The following STK32B variants were observed in gnomAD, a reference collection of about 807,000 sequenced individuals.
STK32B encodes the protein serine/threonine kinase 32B.
In STK32B, 43 loss-of-function variants were observed where a neutral mutation model predicts 52.6. The ratio of observed to expected loss-of-function variants is 0.82; its 90% CI spans 0.64 to 1.05. The LOEUF is 1.05. STK32B is among the 50% of genes least tolerant of loss of function. The pLI, the probability that STK32B is intolerant of heterozygous loss-of-function variation, is 0.00. For missense variants in STK32B, 621 were observed against 534.6 expected, an observed-to-expected ratio of 1.16 and a Z score of -1.59; for synonymous variants, 238 against 204.3, an observed-to-expected ratio of 1.17 and a Z score of -1.41.
At chr4:5,169,363 A>G (rs1260032893) in intron 3 of STK32B, among the ~76,000 whole-genome samples, 1 of 152,164 alleles carries the variant, frequency 6.6e-6, no homozygotes, top group East Asian at 1.9e-4. Flanking sequence ...CCGCTTTAGG[A>G]AACAAATTCT....
At chr4:5,207,658 A>G (rs567582915) in intron 3 of STK32B, among the ~76,000 whole-genome samples, 14 of 151,864 alleles carry the variant, frequency 9.2e-5, no homozygotes, top group African/African-American at 3.1e-4. Context: ...TATTTTCTCA[A>G]AAATGCAGTC....
intron 1 of STK32B, among the ~76,000 whole-genome samples, chr4:5,108,022 C>T (rs1209630773): frequency 6.6e-6 from 1 of 152,154 alleles, no homozygotes; most frequent in African/African-American, 2.4e-5. Context: ...CATTACCAGG[C>T]CACAAGAAGT....
At chr4:5,445,989 A>T (rs770824271) in intron 6 of STK32B, among the ~76,000 whole-genome samples, 13 of 151,812 alleles carry the variant, frequency 8.6e-5, no homozygotes, top group East Asian at 3.9e-4. Context: ...AAGGTTCTCA[A>T]CCCCCTGGGG....
At chr4:5,211,415 A>G (rs1304468261) in intron 3 of STK32B, among the ~76,000 whole-genome samples, 1 of 152,126 alleles carries the variant, frequency 6.6e-6, no homozygotes, top group Non-Finnish European at 1.5e-5. Flanking sequence ...GGGGAGAAAT[A>G]GCAGTATCAG....
chr4:5,243,409 G>A (rs948525911), intron 3 of STK32B, among the ~76,000 whole-genome samples: 7 of 152,150 alleles, frequency 4.6e-5, no homozygotes, highest in African/African-American at 9.7e-5. Flanking sequence ...GAATGCTTGC[G>A]ATTTTTGCAC....
rs1046443941 is a variant in STK32B at position 5,398,519 on chromosome 4, G to C, written c.472+275G>C. Reference sequence around the variant, plus strand: ...GAGGACAGGGCCGCCGTGAGGATGAGCCCGGGGTTCCAACCCCAACTCCCT... The same window carrying C: ...GAGGACAGGGCCGCCGTGAGGATGACCCCGGGGTTCCAACCCCAACTCCCT... On this transcript the variant is annotated intron_variant, in intron 5 of 11. Coordinates refer to ENST00000282908, the MANE Select transcript of STK32B (RefSeq NM_018401.3). This position sits in a 1 kb window ranked among gnomAD's most constrained non-coding sequence, Gnocchi z 4.9. Among the ~76,000 whole-genome samples the C allele has an allele frequency of 3.3e-5, 5 of 152,172 alleles. No individual in the cohort carries two copies. The highest frequency in any genetic ancestry group is 7.4e-5 in the Non-Finnish European group (5 of 68,026).
the STK32B span, among the ~76,000 whole-genome samples, chr4:5,043,375 A>T: frequency 6.6e-6 from 1 of 152,196 alleles, no homozygotes; most frequent in Non-Finnish European, 1.5e-5. Context: ...GCATACATTT[A>T]CTTAGTTTTC....
In STK32B at chr4:5,395,367, C is replaced by G. The variant is rs547655346; in HGVS notation, c.435-2840C>G. Among the ~76,000 whole-genome samples, 4 of 152,362 alleles carry G rather than the reference C, an allele frequency of 2.6e-5. No homozygotes were observed. In the East Asian group the frequency reaches 7.7e-4, roughly 29 times the overall value. ...TTATTCTCTCATCCTCCTACTTCCT[C>G]ATCTGCAAAATGAGAACTTGCTCAC... On this transcript the variant is annotated intron_variant, in intron 4 of 11. Transcript: ENST00000282908. The surrounding 1 kb of genome is among the most constrained non-coding windows in gnomAD (Gnocchi z 4.4).
intron 9 of STK32B, among the ~76,000 whole-genome samples, chr4:5,465,335 G>A (rs922719146): frequency 1.1e-4 from 16 of 152,204 alleles, no homozygotes; most frequent in African/African-American, 3.9e-4. Context: ...TAGAGGTTTA[G>A]GGAGTTCCTG....
chr4:5,157,843 G>A (rs149255368), intron 2 of STK32B, among the ~76,000 whole-genome samples: 25 of 152,316 alleles, frequency 1.6e-4, no homozygotes, highest in African/African-American at 4.6e-4. Context: ...ACTTCTCTGA[G>A]CCTCACGTTA....
rs1355157168 is a variant in STK32B, at chr4:5,438,937, A to AT, written c.563-7730dup. Reference sequence around the variant, plus strand: ...TCCCTACAAAGGACATGAACTCATCATTTTTTATGGCTGCATAGTATTCCA... The same window carrying AT: ...TCCCTACAAAGGACATGAACTCATCATTTTTTTATGGCTGCATAGTATTCCA... On this transcript the variant is annotated intron_variant, in intron 6 of 11. Coordinates refer to ENST00000282908, the MANE Select transcript of STK32B (RefSeq NM_018401.3). 2.0e-5 allele frequency among the ~76,000 whole-genome samples: 3 copies of AT among 151,636 alleles called. No individual in the cohort carries two copies. The East Asian group carries it at 5.8e-4, about 29-fold the overall frequency.
intron 9 of STK32B, among the ~76,000 whole-genome samples, chr4:5,462,378 C>A (rs568618648): frequency 6.6e-6 from 1 of 151,616 alleles, no homozygotes; most frequent in African/African-American, 2.4e-5. Flanking sequence ...CTGTGTGTGC[C>A]TGTGCATCTG....
At chr4:5,185,011 C>A (rs984218872) in intron 3 of STK32B, among the ~76,000 whole-genome samples, 1 of 152,208 alleles carries the variant, frequency 6.6e-6, no homozygotes, top group Non-Finnish European at 1.5e-5. Context: ...TCCCTGTTTC[C>A]GTGTGACTAC....
chr4:5,337,471 G>T (rs1732785342), intron 4 of STK32B, among the ~76,000 whole-genome samples: 1 of 152,216 alleles, frequency 6.6e-6, no homozygotes, highest in Middle Eastern at 3.4e-3. Flanking sequence ...TAAAGAAATG[G>T]AATGCAGAAA....
At chr4:5,411,887 A>G (rs934888541) in intron 5 of STK32B, among the ~76,000 whole-genome samples, 1 of 152,180 alleles carries the variant, frequency 6.6e-6, no homozygotes, top group African/African-American at 2.4e-5. Context: ...TAAGACATAG[A>G]GATACCACTC....
chr4:5,273,929 C>T (rs1013744320), intron 3 of STK32B, among the ~76,000 whole-genome samples: 3 of 150,650 alleles, frequency 2.0e-5, no homozygotes, highest in African/African-American at 4.9e-5. Flanking sequence ...CAGCATGACA[C>T]ATGTATACAT....
intron 6 of STK32B, among the ~76,000 whole-genome samples, chr4:5,432,910 C>T (rs1713720909): frequency 6.6e-6 from 1 of 152,162 alleles, no homozygotes; most frequent in South Asian, 2.1e-4. Context: ...TTCCTTCTTA[C>T]AGATGAGTAA....
rs141563923 is a variant in STK32B, at chr4:5,205,693, G to GGCGC, written c.260+37251_260+37254dup. The stretch of plus-strand genomic sequence containing the variant: ...GGCAGAGGTTGACAGTTCTAGACCA[G>GGCGC]GCGCGCGCGCGTGTGTGTGTGTGTG... On this transcript the variant is annotated intron_variant, in intron 3 of 11. Transcript: ENST00000282908. 6.0e-3 allele frequency among the ~76,000 whole-genome samples: 412 copies of GGCGC among 68,226 alleles called. 2 individuals are homozygous for GGCGC. The highest frequency in any genetic ancestry group is 0.02 in the East Asian group (35 of 1,712). 44.8% of individuals were successfully genotyped at this position (68,226 alleles called of 152,430 possible).
At position 5,499,140 on chromosome 4, in the gene STK32B, AGCCCCTCTTTGTGCCCTGAT is replaced by A; in HGVS notation, c.*59_*78del. The A allele has an allele frequency of 6.5e-7, 1 of 1,528,828 alleles. No individual in the cohort carries two copies. The highest frequency in any genetic ancestry group is 8.8e-7 in the Non-Finnish European group (1 of 1,131,578). The allele number at this position is 1,528,828 out of a possible 1,614,324, so 94.7% of individuals were successfully genotyped here. On this transcript the variant is annotated 3_prime_UTR_variant, in exon 12 of 12. Transcript: ENST00000282908. ...ACTCGTCTCTGCCCTGCCCACCCAG[AGCCCCTCTTTGTGCCCTGAT>A]GGTCCCTGTCTCACCCCTGAAAACA... is the stretch of plus-strand genomic sequence containing the variant.
Sources: gnomAD v4.1 joint callset for allele counts (sites outside exome capture counted in the v4.1 genomes callset) on GRCh38, gnomAD v4.1.1 for gene constraint, Gnocchi (gnomAD v3.1) non-coding constraint, MANE v1.5 for transcripts, NCBI Gene and HGNC (gene_info 2026-07-23, HGNC 2026-07-21) for gene names.